The following ADORA2B variants were observed in gnomAD, a reference collection of about 807,000 sequenced individuals.
ADORA2B encodes adenosine receptor A2b.
Under a neutral mutation model 20.8 loss-of-function variants are expected in ADORA2B, and 18 were observed. The observed-to-expected ratio is 0.87, with a 90% confidence interval of 0.60 to 1.29. ADORA2B has a LOEUF of 1.29. Among genes scored for constraint, ADORA2B ranks in the 50% most tolerant of loss-of-function variants. The probability of loss-of-function intolerance (pLI) is 0.00; values close to 1 mark genes in which losing one functional copy is unlikely to be tolerated. For missense variants in ADORA2B, 441 were observed against 422.7 expected, an observed-to-expected ratio of 1.04 and a Z score of -0.38; for synonymous variants, 179 against 178.3, an observed-to-expected ratio of 1.00 and a Z score of -0.03.
intron 1 of ADORA2B, among the ~76,000 whole-genome samples, chr17:15,967,145 T>G (rs933657811): frequency 6.6e-6 from 1 of 151,320 alleles, no homozygotes; most frequent in Admixed American, 6.6e-5. Context: ...GCGTGGCAGG[T>G]GGTTACCAGA....
chr17:15,939,109 T>C, the ADORA2B span, among the ~76,000 whole-genome samples: 6 of 152,238 alleles, frequency 3.9e-5, no homozygotes, highest in African/African-American at 9.6e-5. Flanking sequence ...GGTGGGATCT[T>C]GGTTCACTGC....
the ADORA2B span, chr17:15,908,644 CT>C: frequency 1.8e-5 from 3 of 171,296 alleles, no homozygotes; most frequent in Non-Finnish European, 2.6e-5. Context: ...CCATGAGGGC[CT>C]GCAGCAGCCA....
At chr17:15,907,120 A>G in the ADORA2B span, among the ~76,000 whole-genome samples, 2 of 152,178 alleles carry the variant, frequency 1.3e-5, no homozygotes, top group African/African-American at 4.8e-5. Context: ...CCTTCATGGT[A>G]AGGATTTTAG....
intron 1 of ADORA2B, among the ~76,000 whole-genome samples, chr17:15,957,481 G>A (rs1308701241): frequency 6.6e-6 from 1 of 152,216 alleles, no homozygotes; most frequent in African/African-American, 2.4e-5. Flanking sequence ...ACAGGTTCAA[G>A]AGGACTTGGT....
the ADORA2B span, among the ~76,000 whole-genome samples, chr17:15,928,510 C>T: frequency 6.6e-6 from 1 of 151,966 alleles, no homozygotes; most frequent in Admixed American, 6.6e-5. Context: ...TTCCTACAGC[C>T]GGTGCAGCTG....
chr17:15,867,060 G>T, the ADORA2B span, among the ~76,000 whole-genome samples: 8 of 152,260 alleles, frequency 5.3e-5, no homozygotes, highest in African/African-American at 1.9e-4. Context: ...GTGCCGGGAT[G>T]GCAGACGGAG....
chr17:15,903,583 G>A, the ADORA2B span, among the ~76,000 whole-genome samples: 3 of 152,064 alleles, frequency 2.0e-5, no homozygotes, highest in South Asian at 6.2e-4. Context: ...AAGCCTCCCA[G>A]CCCATCCCCA....
chr17:15,862,608 T>C, the ADORA2B span, among the ~76,000 whole-genome samples: 1 of 152,110 alleles, frequency 6.6e-6, no homozygotes, highest in Non-Finnish European at 1.5e-5. Flanking sequence ...AATATATGCC[T>C]TAATCTCCAT....
At chr17:15,895,293 T>C in the ADORA2B span, among the ~76,000 whole-genome samples, 1 of 152,234 alleles carries the variant, frequency 6.6e-6, no homozygotes, top group Admixed American at 6.5e-5. Flanking sequence ...ATTTGACACA[T>C]ACAATTAACC....
chr17:15,871,668 C>T, the ADORA2B span, among the ~76,000 whole-genome samples: 1 of 152,140 alleles, frequency 6.6e-6, no homozygotes, highest in African/African-American at 2.4e-5. Flanking sequence ...ATGTGACCAG[C>T]CCCTGATAAA....
chr17:15,865,441 T>G, the ADORA2B span, among the ~76,000 whole-genome samples: 1,556 of 151,094 alleles, frequency 0.01, 28 homozygotes, highest in African/African-American at 0.035. Flanking sequence ...TTTGTATTGT[T>G]ACTAGAGATG....
At chr17:15,908,148 C>T in the ADORA2B span, among the ~76,000 whole-genome samples, 1 of 152,182 alleles carries the variant, frequency 6.6e-6, no homozygotes, top group African/African-American at 2.4e-5. Flanking sequence ...TGTGCAGTAA[C>T]AGAATCATGG....
At chr17:15,861,386 G>C in the ADORA2B span, among the ~76,000 whole-genome samples, 2 of 152,228 alleles carry the variant, frequency 1.3e-5, no homozygotes, top group Non-Finnish European at 2.9e-5. Flanking sequence ...GTATTTGTTG[G>C]GTGGATGGAT....
At chr17:15,933,186 A>G in the ADORA2B span, among the ~76,000 whole-genome samples, 1 of 152,036 alleles carries the variant, frequency 6.6e-6, no homozygotes, top group Admixed American at 6.6e-5. Flanking sequence ...CAATCTCCTG[A>G]CCTTGTGATC....
At position 15,957,237 on chromosome 17, in the gene ADORA2B, G is replaced by C. The variant is rs928436887; in HGVS notation, c.335+11654G>C. On this transcript the variant is annotated intron_variant, in intron 1 of 1. Coordinates refer to ENST00000304222, the MANE Select transcript of ADORA2B (RefSeq NM_000676.4). ...TGGAGTTCAGCAGTCTGGAGCAGAG[G>C]AGCCACAGGTAAAATCATATAGGAA... 1.7e-4 allele frequency among the ~76,000 whole-genome samples: 26 copies of C among 152,340 alleles called. 1 individual carries two copies. In the East Asian group the frequency reaches 3.5e-3, roughly 20 times the overall value.
chr17:15,908,909 G>A, the ADORA2B span, among the ~76,000 whole-genome samples: 1 of 152,020 alleles, frequency 6.6e-6, no homozygotes, highest in Non-Finnish European at 1.5e-5. Flanking sequence ...CCACCCACAG[G>A]CTTGTTTTGC....
chr17:15,945,844 C>G (rs1166655486), intron 1 of ADORA2B, among the ~76,000 whole-genome samples: 1 of 152,086 alleles, frequency 6.6e-6, no homozygotes, highest in Non-Finnish European at 1.5e-5. Context: ...AGTGCGGTCC[C>G]CGGCGCCCGG....
chr17:15,917,569 A>C, the ADORA2B span, among the ~76,000 whole-genome samples: 1 of 152,120 alleles, frequency 6.6e-6, no homozygotes, highest in African/African-American at 2.4e-5. Flanking sequence ...CCCCGCAGGC[A>C]CTGGAGGGCT....
chr17:15,936,983 T>G, the ADORA2B span, among the ~76,000 whole-genome samples: 1 of 152,106 alleles, frequency 6.6e-6, no homozygotes, highest in Non-Finnish European at 1.5e-5. Context: ...TAAAAATAAA[T>G]AAAACATACA....
Sources: allele counts gnomAD v4.1 joint callset (sites outside exome capture counted in the v4.1 genomes callset), GRCh38; gene constraint gnomAD v4.1.1; transcripts MANE v1.5; gene names NCBI Gene and HGNC (gene_info 2026-07-23, HGNC 2026-07-21).